Variants in TTLL9 observed in about 807,000 individuals in gnomAD.
TTLL9 encodes the protein tubulin tyrosine ligase like 9.
TTLL9 carries 47 observed loss-of-function variants against 65.6 expected under a neutral mutation model. The observed-to-expected ratio is 0.72, with a 90% CI of 0.57 to 0.91. TTLL9 has a LOEUF of 0.91. TTLL9 is among the 40% of genes least tolerant of loss of function. TTLL9 has a pLI of 0.00. For synonymous variants in TTLL9, 179 were observed against 204.8 expected (o/e 0.87, Z 1.07); for missense variants, 537 against 568.8 (o/e 0.94, Z 0.57).
chr20:31,906,193 G>C (rs868588019), intron 4 of TTLL9, among the ~76,000 whole-genome samples: 6 of 152,196 alleles, frequency 3.9e-5, no homozygotes, highest in African/African-American at 1.4e-4. Context: ...CGGGGCTCCT[G>C]AGTCAGGGAC....
chr20:31,898,634 T>A, intron 4 of TTLL9, 69 bp downstream of exon 4: 1 of 1,454,066 alleles, frequency 6.9e-7, no homozygotes, highest in Non-Finnish European at 9.6e-7. Flanking sequence ...CCTTTGTTTT[T>A]CTCCCAGTTC....
chr20:31,880,208 G>A (rs553941197), intron 2 of TTLL9, among the ~76,000 whole-genome samples: 2 of 152,176 alleles, frequency 1.3e-5, no homozygotes, highest in Non-Finnish European at 2.9e-5. Context: ...GACCCCAGGG[G>A]AAGTTGAACC....
chr20:31,875,269 G>A (rs1368115090), intron 2 of TTLL9, among the ~76,000 whole-genome samples: 1 of 152,158 alleles, frequency 6.6e-6, no homozygotes, highest in Non-Finnish European at 1.5e-5. Flanking sequence ...AAGAATAAAT[G>A]AGAGGACATG....
At chr20:31,908,459 C>A in intron 4 of TTLL9, 132 bp from the exon 5 acceptor site, 1 of 641,058 alleles carries the variant, frequency 1.6e-6, no homozygotes, top group East Asian at 2.8e-5. Flanking sequence ...CCCATGGCCA[C>A]CTCCAAGAGA....
chr20:31,929,509 C>T (rs911882133), intron 10 of TTLL9, among the ~76,000 whole-genome samples: 4 of 152,004 alleles, frequency 2.6e-5, no homozygotes, highest in Non-Finnish European at 4.4e-5. Flanking sequence ...TGTTGTCATT[C>T]ACCTTTTATA....
At chr20:31,914,026 C>T (rs1282981304) in intron 6 of TTLL9, among the ~76,000 whole-genome samples, 5 of 152,220 alleles carry the variant, frequency 3.3e-5, no homozygotes, top group Non-Finnish European at 7.3e-5. Context: ...GCTCACCCTG[C>T]GTCCACCAAG....
chr20:31,922,840 A>G, intron 7 of TTLL9, 123 bp from the exon 8 acceptor site: 3 of 711,804 alleles, frequency 4.2e-6, no homozygotes. Flanking sequence ...TAACATTAGT[A>G]CTTACCTGAC....
chr20:31,937,891 G>C (rs1370038783), intron 13 of TTLL9, among the ~76,000 whole-genome samples: 1 of 151,916 alleles, frequency 6.6e-6, no homozygotes, highest in East Asian at 1.9e-4. Context: ...ACTATCTAGT[G>C]CTTAGCTAAC....
Position 31,909,763 on chromosome 20 carries a change from G to A in TTLL9, c.345G>A (p.Lys115=). 1 of 1,614,146 alleles carries A rather than the reference G, an allele frequency of 6.2e-7. No individual in the cohort carries two copies. Among genetic ancestry groups the A allele is most frequent in the Non-Finnish European group, 8.5e-7 (1 of 1,180,022 alleles). ...TGACCCGGAAGAACTACATGGTGAA[G>A]AACCTGAAGCGGTTCCGGAAGCAGC... ...YELTRKNYMV[K]NLKRFRKQLE... The change falls in exon 6 of 15, where the codon AAG becomes AAA. Residue 115 remains lysine (K), a synonymous_variant. Coordinates refer to ENST00000535842, the MANE Select transcript of TTLL9 (RefSeq NM_001008409.5).
intron 10 of TTLL9, among the ~76,000 whole-genome samples, chr20:31,927,885 T>C (rs897361816): frequency 2.6e-5 from 4 of 152,246 alleles, no homozygotes; most frequent in African/African-American, 9.6e-5. Flanking sequence ...TGCATGTGCA[T>C]TGCCTGCATG....
At chr20:31,890,133 C>CTTT in intron 3 of TTLL9, among the ~76,000 whole-genome samples, 1 of 97,360 alleles carries the variant, frequency 1.0e-5, no homozygotes, top group African/African-American at 4.3e-5. Context: ...TTCCTTCCTT[C>CTTT]CTTCCTTCCT....
chr20:31,918,563 A>G (rs2063771432), intron 6 of TTLL9, among the ~76,000 whole-genome samples: 1 of 152,120 alleles, frequency 6.6e-6, no homozygotes, highest in Non-Finnish European at 1.5e-5. Context: ...TTTAGTAGCG[A>G]TGTGATCTCA....
At chr20:31,871,034 C>T in intron 1 of TTLL9, 85 bp downstream of exon 1, 1 of 1,250,918 alleles carries the variant, frequency 8.0e-7, no homozygotes, top group South Asian at 1.2e-5. Context: ...TCCATTCTCC[C>T]ACCCTCCTGT....
chr20:31,892,768 C>T (rs1174225736), intron 3 of TTLL9, among the ~76,000 whole-genome samples: 3 of 152,150 alleles, frequency 2.0e-5, no homozygotes, highest in Non-Finnish European at 4.4e-5. Context: ...TAGGGGATTA[C>T]AATATGCATC....
At position 31,910,150 on chromosome 20, in the gene TTLL9, C is replaced by T. The variant is rs140537610; in HGVS notation, c.504+228C>T. 1.8e-4 allele frequency among the ~76,000 whole-genome samples: 27 copies of T among 152,292 alleles called. 1 individual carries two copies. The East Asian group carries it at 2.9e-3, about 16-fold the overall frequency. On this transcript the variant is annotated intron_variant, in intron 6 of 14. Coordinates refer to ENST00000535842, the MANE Select transcript of TTLL9 (RefSeq NM_001008409.5). ...TTGAATGCACAAGTGATGTTTAGGACGCCAGGGCAGGGAATTTGGAACCTG... is the reference window on the plus strand; with the variant it reads ...TTGAATGCACAAGTGATGTTTAGGATGCCAGGGCAGGGAATTTGGAACCTG...
At chr20:31,915,923 T>G (rs2063727553) in intron 6 of TTLL9, among the ~76,000 whole-genome samples, 1 of 152,200 alleles carries the variant, frequency 6.6e-6, no homozygotes, top group South Asian at 2.1e-4. Flanking sequence ...CCAAACATAG[T>G]GACTTGAAAC....
At chr20:31,884,866 G>T (rs2063166395) in intron 2 of TTLL9, among the ~76,000 whole-genome samples, 1 of 152,148 alleles carries the variant, frequency 6.6e-6, no homozygotes, top group Admixed American at 6.5e-5. Flanking sequence ...TTGCGTTCTA[G>T]GGATCAGGAC....
chr20:31,870,673 G>T lies in TTLL9; in HGVS notation c.-282G>T. On this transcript the variant is annotated 5_prime_UTR_variant, in exon 1 of 15. Transcript: ENST00000535842. The surrounding 1 kb of genome is among the most constrained non-coding windows in gnomAD (Gnocchi z 6.6). The stretch of plus-strand genomic sequence containing the variant: ...ACGGCCCGCGGGACAACGGCAGTTT[G>T]TTGGGGCCGCGTGGGGCCGCCACCT... 1 of 1,164,364 alleles carries T rather than the reference G, an allele frequency of 8.6e-7. No individual in the cohort carries two copies. The allele number at this position is 1,164,364 out of a possible 1,614,324, so 72.1% of individuals were successfully genotyped here.
chr20:31,937,625 C>A, intron 13 of TTLL9, 116 bp downstream of exon 13: 1 of 730,226 alleles, frequency 1.4e-6, no homozygotes, highest in Non-Finnish European at 2.2e-6. Context: ...ATGGCTCTGG[C>A]CTGCCCCACC....
Sources: allele counts gnomAD v4.1 joint callset (sites outside exome capture counted in the v4.1 genomes callset), GRCh38; gene constraint gnomAD v4.1.1; non-coding constraint Gnocchi (gnomAD v3.1); transcripts MANE v1.5; gene names NCBI Gene and HGNC (gene_info 2026-07-23, HGNC 2026-07-21).